CNKSR3: variants seen among roughly 807,000 people sequenced by gnomAD.
CNKSR3 encodes the protein connector enhancer of kinase suppressor of ras 3.
In CNKSR3, 36 loss-of-function variants were observed where a neutral mutation model predicts 67.7. That is an observed-to-expected ratio of 0.53 (90% CI 0.41 to 0.70). The LOEUF (loss-of-function observed/expected upper bound fraction) is 0.70, where lower values mean the gene tolerates loss of function less well. CNKSR3 is among the 30% of genes least tolerant of loss of function. CNKSR3 has a pLI of 0.00. For missense variants in CNKSR3, 630 were observed against 695.2 expected, an observed-to-expected ratio of 0.91 and a Z score of 1.05; for synonymous variants, 281 against 271.4, an observed-to-expected ratio of 1.04 and a Z score of -0.35.
At chr6:154,499,399 T>C (rs893461604) in intron 1 of CNKSR3, among the ~76,000 whole-genome samples, 19 of 152,228 alleles carry the variant, frequency 1.2e-4, no homozygotes, top group Admixed American at 1.2e-3. Context: ...GTTAGCTTCC[T>C]GGATCCCACC....
At chr6:154,497,413 G>C (rs1384702604) in intron 1 of CNKSR3, among the ~76,000 whole-genome samples, 2 of 152,054 alleles carry the variant, frequency 1.3e-5, no homozygotes, top group African/African-American at 2.4e-5. Context: ...AAGAGAGAGA[G>C]AGAGAGAAAT....
intron 4 of CNKSR3, among the ~76,000 whole-genome samples, chr6:154,434,705 A>C (rs1347617118): frequency 6.6e-6 from 1 of 152,256 alleles, no homozygotes; most frequent in African/African-American, 2.4e-5. Flanking sequence ...AAGACTTAAA[A>C]AAAATAAATT....
intron 1 of CNKSR3, among the ~76,000 whole-genome samples, chr6:154,488,990 A>G (rs762305611): frequency 6.6e-6 from 1 of 152,176 alleles, no homozygotes; most frequent in Non-Finnish European, 1.5e-5. Context: ...CTGGAAAATG[A>G]CACAAAGGGG....
intron 12 of CNKSR3, among the ~76,000 whole-genome samples, chr6:154,409,098 C>T (rs1049401748): frequency 6.6e-6 from 1 of 152,186 alleles, no homozygotes; most frequent in African/African-American, 2.4e-5. Flanking sequence ...GGTAGGTACC[C>T]AGGCATCTTT....
At position 154,399,952 on chromosome 6, in the gene CNKSR3, TTC is replaced by T. The variant is rs1261871123; in HGVS notation, c.*6400_*6401del. The T allele has an allele frequency of 2.6e-5, 4 of 152,198 alleles. No individual in the cohort carries two copies. The highest frequency in any genetic ancestry group is 7.2e-5 in the African/African-American group (3 of 41,434). 9.4% of individuals were successfully genotyped at this position (152,198 alleles called of 1,614,324 possible). ...TTTTAATCATTTTTCTCCTGATATTTTCTCTCCTTTTAATCATTTCTTCACAA... is the reference window on the plus strand; with the variant it reads ...TTTTAATCATTTTTCTCCTGATATTTTCTCCTTTTAATCATTTCTTCACAA... On this transcript the variant is annotated 3_prime_UTR_variant, in exon 13 of 13. Transcript: ENST00000607772.
At chr6:154,441,431 A>T (rs1785584568) in intron 3 of CNKSR3, 52 bp from the exon 4 acceptor site, 1 of 1,311,380 alleles carries the variant, frequency 7.6e-7, no homozygotes, top group African/African-American at 1.5e-5. Flanking sequence ...ATCCACGGGG[A>T]TCCCACTGGA....
rs1367560988 is a variant in CNKSR3 at position 154,397,417 on chromosome 6, T to G, written c.*8937A>C. On this transcript the variant is annotated 3_prime_UTR_variant, in exon 13 of 13. Coordinates refer to ENST00000607772, the MANE Select transcript of CNKSR3 (RefSeq NM_173515.4). ...TCTCTAAAAGTAGGTTTCTGTTTTT[T>G]GGAGGGGATTTAATTGCTCATCTGA... 1.3e-5 allele frequency: 2 copies of G among 152,270 alleles called. No homozygotes were observed. Among genetic ancestry groups the G allele is most frequent in the Non-Finnish European group, 2.9e-5 (2 of 68,042 alleles). 9.4% of individuals were successfully genotyped at this position (152,270 alleles called of 1,614,324 possible).
rs758339881 is a variant in CNKSR3 at position 154,442,200 on chromosome 6, G to T, written c.307C>A (p.Arg103=). 1 of 1,614,138 alleles carries T rather than the reference G, an allele frequency of 6.2e-7. No homozygotes were observed. Among genetic ancestry groups the T allele is most frequent in the Admixed American group, 1.7e-5 (1 of 60,016 alleles). ...HNLQNYISSR[R]KSPAYDGNTS... is the part of the protein sequence containing the mutation. ...TTGCCATCGTAAGCGGGACTTTTCC[G>T]TCGGCTACTTATGTAATTCTGTAAA... Residue 103 remains arginine, a synonymous_variant, in exon 3 of 13, where the codon CGG becomes AGG. Transcript: ENST00000607772.
At chr6:154,426,126 A>G (rs2128714527) in intron 7 of CNKSR3, among the ~76,000 whole-genome samples, 1 of 152,312 alleles carries the variant, frequency 6.6e-6, no homozygotes, top group Admixed American at 6.5e-5. Flanking sequence ...GTGGATTACC[A>G]GATGGAAGAA....
chr6:154,462,573 G>T (rs955758924), intron 1 of CNKSR3, among the ~76,000 whole-genome samples: 7 of 152,178 alleles, frequency 4.6e-5, no homozygotes, highest in African/African-American at 1.7e-4. Flanking sequence ...AAGGTCCAGT[G>T]TGATCTTCCT....
At chr6:154,419,798 C>T (rs1026742960) in intron 9 of CNKSR3, among the ~76,000 whole-genome samples, 2 of 151,846 alleles carry the variant, frequency 1.3e-5, no homozygotes, top group Non-Finnish European at 2.9e-5. Flanking sequence ...AGGAAATGCT[C>T]GTGGGGCATG....
Position 154,404,207 on chromosome 6 carries a change from GT to G in CNKSR3, c.*2146del, listed in dbSNP as rs377231720. The G allele has an allele frequency of 1.2e-4, 18 of 148,242 alleles. No homozygotes were observed. The highest frequency in any genetic ancestry group is 6.5e-4 in the South Asian group (3 of 4,596). 9.2% of individuals were successfully genotyped at this position (148,242 alleles called of 1,614,324 possible). ...TGAAATACCAGATCTTTTTCTTTTTGTTTTTTTTTTGAGACAGAGTCTCCTT... is the reference window on the plus strand; with the variant it reads ...TGAAATACCAGATCTTTTTCTTTTTGTTTTTTTTTGAGACAGAGTCTCCTT... On this transcript the variant is annotated 3_prime_UTR_variant, in exon 13 of 13. Coordinates refer to ENST00000607772, the MANE Select transcript of CNKSR3 (RefSeq NM_173515.4).
chr6:154,471,866 A>G (rs1442380179), intron 1 of CNKSR3, among the ~76,000 whole-genome samples: 1 of 152,172 alleles, frequency 6.6e-6, no homozygotes, highest in Non-Finnish European at 1.5e-5. Flanking sequence ...CCAGTTCCAT[A>G]GTGGCCATCA....
At chr6:154,483,008 C>A (rs556574828) in intron 1 of CNKSR3, among the ~76,000 whole-genome samples, 4 of 152,298 alleles carry the variant, frequency 2.6e-5, no homozygotes, top group South Asian at 4.1e-4. Flanking sequence ...TCTGTTTCCT[C>A]CAAGGCCAGG....
intron 9 of CNKSR3, among the ~76,000 whole-genome samples, chr6:154,416,117 C>A (rs1364838902): frequency 6.6e-6 from 1 of 151,986 alleles, no homozygotes; most frequent in African/African-American, 2.4e-5. Context: ...CCCGTCTCTA[C>A]CAAAAAAAAC....
intron 2 of CNKSR3, among the ~76,000 whole-genome samples, chr6:154,443,103 G>T (rs2128717939): frequency 6.6e-6 from 1 of 152,104 alleles, no homozygotes; most frequent in East Asian, 1.9e-4. Flanking sequence ...TCACCGTGTT[G>T]CCCAGGCTGG....
intron 1 of CNKSR3, among the ~76,000 whole-genome samples, chr6:154,507,087 G>C (rs940171735): frequency 1.3e-5 from 2 of 152,308 alleles, no homozygotes; most frequent in East Asian, 3.9e-4. Flanking sequence ...CTACCTCAAA[G>C]GTGGTGGTGC....
chr6:154,406,760 G>A (rs1784801882), intron 12 of CNKSR3, 108 bp from the exon 13 acceptor site: 1 of 931,600 alleles, frequency 1.1e-6, no homozygotes, highest in African/African-American at 1.7e-5. Context: ...ACGAGGTCAA[G>A]AGATCTAGAC....
intron 1 of CNKSR3, among the ~76,000 whole-genome samples, chr6:154,457,157 G>A (rs58856548): frequency 0.022 from 3,345 of 152,224 alleles, 116 homozygotes; most frequent in African/African-American, 0.076. Context: ...AAACAGAAGC[G>A]TGACATGTTT....
Sources: gnomAD v4.1 joint callset for allele counts (sites outside exome capture counted in the v4.1 genomes callset) on GRCh38, gnomAD v4.1.1 for gene constraint, MANE v1.5 for transcripts, NCBI Gene and HGNC (gene_info 2026-07-23, HGNC 2026-07-21) for gene names.